SH3PXD2A: variants seen among roughly 807,000 people sequenced by gnomAD.
The protein encoded by SH3PXD2A is SH3 and PX domains 2A.
Under a neutral mutation model 115.2 loss-of-function variants are expected in SH3PXD2A, and 32 were observed. That is an observed-to-expected ratio of 0.28 (90% CI 0.21 to 0.37). SH3PXD2A has a LOEUF of 0.37. Ranked by LOEUF, SH3PXD2A falls within the 10% of genes least tolerant of loss-of-function variation. The pLI is 1.00. For synonymous variants in SH3PXD2A, 610 were observed against 629.1 expected (o/e 0.97, Z 0.45); for missense variants, 1,328 against 1,498.7 (o/e 0.89, Z 1.88).
intron 1 of SH3PXD2A, among the ~76,000 whole-genome samples, chr10:103,804,391 G>A (rs1372658495): frequency 2.1e-5 from 3 of 144,140 alleles, no homozygotes; most frequent in Non-Finnish European, 3.0e-5. Flanking sequence ...GCGTGATCTC[G>A]GCTCATTGTG....
chr10:103,829,703 AC>A (rs1489858021), intron 1 of SH3PXD2A, among the ~76,000 whole-genome samples: 1 of 152,240 alleles, frequency 6.6e-6, no homozygotes, highest in East Asian at 1.9e-4. Flanking sequence ...ATAACATAGG[AC>A]CTAAAGCTAT....
chr10:103,696,126 G>A (rs955885822), intron 5 of SH3PXD2A, among the ~76,000 whole-genome samples: 1 of 152,230 alleles, frequency 6.6e-6, no homozygotes, highest in African/African-American at 2.4e-5. Flanking sequence ...ATGGGGTGGA[G>A]GCTGAGGTCC....
At chr10:103,672,818 C>G (rs2037481545) in intron 6 of SH3PXD2A, among the ~76,000 whole-genome samples, 1 of 152,234 alleles carries the variant, frequency 6.6e-6, no homozygotes, top group South Asian at 2.1e-4. Flanking sequence ...AAAGCAAAAG[C>G]AGTAGGTTCC....
chr10:103,701,011 AT>A (rs1330129684), intron 5 of SH3PXD2A, among the ~76,000 whole-genome samples: 1 of 67,226 alleles, frequency 1.5e-5, no homozygotes. Flanking sequence ...CTATCCATCT[AT>A]CCATCCACCA....
chr10:103,680,965 C>A (rs1176738904), intron 6 of SH3PXD2A, among the ~76,000 whole-genome samples: 1 of 152,174 alleles, frequency 6.6e-6, no homozygotes, highest in South Asian at 2.1e-4. Flanking sequence ...GTTTTTCCGC[C>A]GGCTTTGTCA....
chr10:103,655,200 G>A (rs2037192331), intron 8 of SH3PXD2A, among the ~76,000 whole-genome samples: 1 of 152,204 alleles, frequency 6.6e-6, no homozygotes, highest in African/African-American at 2.4e-5. Context: ...ACCTCGTGGG[G>A]CCAGGCACCA....
rs201564120 is a variant in SH3PXD2A, at chr10:103,617,345, T to C, written c.803-31A>G. On this transcript the variant is annotated intron_variant, in intron 10 of 14. Coordinates refer to ENST00000369774, the MANE Select transcript of SH3PXD2A (RefSeq NM_001394015.1). ...GGTGGGAGCAAGCAAGCAAGATTAT[T>C]TGAGGTCGGGGTGCAGGTCCTGCTT... is the stretch of plus-strand genomic sequence containing the variant. 2.0e-5 allele frequency: 31 copies of C among 1,519,666 alleles called. No homozygotes were observed. The East Asian group carries it at 4.7e-4, about 23-fold the overall frequency. The allele number at this position is 1,519,666 out of a possible 1,614,324, so 94.1% of individuals were successfully genotyped here.
intron 7 of SH3PXD2A, 94 bp from the exon 8 acceptor site, chr10:103,661,208 G>C: frequency 7.0e-7 from 1 of 1,434,568 alleles, no homozygotes. Flanking sequence ...GGGGGTGGCT[G>C]CTCTGTCGCC....
chr10:103,800,465 G>GAGGGCAGTGCC (rs1384332643), intron 2 of SH3PXD2A, among the ~76,000 whole-genome samples: 4 of 152,230 alleles, frequency 2.6e-5, no homozygotes, highest in Non-Finnish European at 4.4e-5. Context: ...AACAGAAGCT[G>GAGGGCAGTGCC]AGGGCAGTGC....
chr10:103,821,142 C>CT (rs5787500), intron 1 of SH3PXD2A, among the ~76,000 whole-genome samples: 1,294 of 100,256 alleles, frequency 0.013, 18 homozygotes, highest in Non-Finnish European at 0.019. Context: ...GTCGTTCATT[C>CT]TTTTTTTTTT....
chr10:103,711,881 C>T (rs1396795688), intron 5 of SH3PXD2A, among the ~76,000 whole-genome samples: 1 of 151,948 alleles, frequency 6.6e-6, no homozygotes. Context: ...AGAGCCAGAC[C>T]CCGTCTCTAC....
chr10:103,828,795 C>T (rs1231774357), intron 1 of SH3PXD2A, among the ~76,000 whole-genome samples: 2 of 152,186 alleles, frequency 1.3e-5, no homozygotes, highest in Admixed American at 1.3e-4. Context: ...TGTACTTCGT[C>T]CTCTCTCCTC....
At chr10:103,715,260 C>T (rs112724134) in intron 5 of SH3PXD2A, among the ~76,000 whole-genome samples, 6 of 152,224 alleles carry the variant, frequency 3.9e-5, no homozygotes, top group Non-Finnish European at 8.8e-5. Flanking sequence ...ACATGTACCA[C>T]GGGGGCCTTG....
intron 1 of SH3PXD2A, among the ~76,000 whole-genome samples, chr10:103,844,338 T>G (rs569964716): frequency 1.2e-4 from 19 of 152,298 alleles, no homozygotes; most frequent in African/African-American, 4.1e-4. Flanking sequence ...GCCAGCCCCA[T>G]GCCAGGCCGG....
In SH3PXD2A at chr10:103,627,059, T is replaced by C; in HGVS notation, c.718+30A>G. On this transcript the variant is annotated intron_variant, in intron 9 of 14. Transcript: ENST00000369774. The surrounding 1 kb of genome is among the most constrained non-coding windows in gnomAD (Gnocchi z 4.4). ...GAGCTGCCTCCAGAGGCCGCGTTGC[T>C]CCCTGCCCCTTGGACCTGCAAGCCC... 2 of 1,288,388 alleles carry C rather than the reference T, an allele frequency of 1.6e-6. No homozygotes were observed. The highest frequency in any genetic ancestry group is 2.3e-6 in the Non-Finnish European group (2 of 882,930). 79.8% of individuals were successfully genotyped at this position (1,288,388 alleles called of 1,614,324 possible). A position where few individuals can be genotyped will look rare whatever the true frequency, so the allele number is the denominator to read the frequency against.
chr10:103,773,149 G>A (rs1029455407), intron 2 of SH3PXD2A, among the ~76,000 whole-genome samples: 1 of 151,048 alleles, frequency 6.6e-6, no homozygotes, highest in Non-Finnish European at 1.5e-5. Context: ...GCTTGAGCCT[G>A]GCAGGCGGGG....
intron 6 of SH3PXD2A, among the ~76,000 whole-genome samples, chr10:103,677,709 G>A (rs932327173): frequency 6.6e-6 from 1 of 152,172 alleles, no homozygotes; most frequent in Non-Finnish European, 1.5e-5. Context: ...TTTGTTATGA[G>A]TCTCTTCAAT....
chr10:103,773,224 CA>C (rs386372322), intron 2 of SH3PXD2A, among the ~76,000 whole-genome samples: 13,832 of 114,766 alleles, frequency 0.12, 694 homozygotes, highest in South Asian at 0.2. Flanking sequence ...AACTCTGTCT[CA>C]AAAAAAAAAA....
intron 1 of SH3PXD2A, among the ~76,000 whole-genome samples, chr10:103,810,473 C>T (rs2039255135): frequency 6.6e-6 from 1 of 152,146 alleles, no homozygotes; most frequent in African/African-American, 2.4e-5. Flanking sequence ...CTTGGCTTCA[C>T]ACAGGAGGAA....
Sources: gnomAD v4.1 joint callset for allele counts (sites outside exome capture counted in the v4.1 genomes callset) on GRCh38, gnomAD v4.1.1 for gene constraint, Gnocchi (gnomAD v3.1) non-coding constraint, MANE v1.5 for transcripts, NCBI Gene and HGNC (gene_info 2026-07-23, HGNC 2026-07-21) for gene names.